NELL1: variants seen among roughly 807,000 people sequenced by gnomAD.
NELL1 encodes protein kinase C-binding protein NELL1.
NELL1 carries 76 observed loss-of-function variants against 107.4 expected under a neutral mutation model. That is an observed-to-expected ratio of 0.71 (90% CI 0.59 to 0.86). The LOEUF (loss-of-function observed/expected upper bound fraction) is 0.86. Ranked by LOEUF, NELL1 falls within the 40% of genes least tolerant of loss-of-function variation. The pLI, the probability that NELL1 is intolerant of heterozygous loss-of-function variation, is 0.00. For synonymous variants in NELL1, 353 were observed against 341.2 expected (o/e 1.03, Z -0.38); for missense variants, 1,024 against 1,005.5 (o/e 1.02, Z -0.25).
chr11:21,041,204 C>G (rs1388650797), intron 12 of NELL1, among the ~76,000 whole-genome samples: 1 of 152,184 alleles, frequency 6.6e-6, no homozygotes, highest in Admixed American at 6.6e-5. Flanking sequence ...TATCATGTAT[C>G]ACTGCATGAC....
At chr11:21,450,740 T>C (rs1853556321) in intron 15 of NELL1, among the ~76,000 whole-genome samples, 1 of 152,174 alleles carries the variant, frequency 6.6e-6, no homozygotes, top group Non-Finnish European at 1.5e-5. Flanking sequence ...GCATACAGTA[T>C]GACTCACTTC....
At chr11:21,248,456 A>G (rs1432727702) in intron 14 of NELL1, among the ~76,000 whole-genome samples, 1 of 152,188 alleles carries the variant, frequency 6.6e-6, no homozygotes, top group Non-Finnish European at 1.5e-5. Flanking sequence ...ATAGGGATGG[A>G]CTGCATTTTG....
At chr11:21,548,581 G>A (rs1048752419) in intron 16 of NELL1, among the ~76,000 whole-genome samples, 6 of 151,844 alleles carry the variant, frequency 4.0e-5, no homozygotes, top group Non-Finnish European at 8.8e-5. Flanking sequence ...CAGTCTGGGG[G>A]AAACCATCTC....
intron 13 of NELL1, among the ~76,000 whole-genome samples, chr11:21,218,642 T>C (rs1350722561): frequency 2.0e-5 from 3 of 152,206 alleles, no homozygotes; most frequent in African/African-American, 7.2e-5. Flanking sequence ...TATCCTCCTC[T>C]ATCTACTATC....
chr11:20,974,788 G>T (rs1370974342), intron 12 of NELL1, among the ~76,000 whole-genome samples: 1 of 151,828 alleles, frequency 6.6e-6, no homozygotes. Context: ...ATTGGTCTGG[G>T]GTATAGACAG....
At chr11:21,328,287 A>G (rs551230018) in intron 14 of NELL1, among the ~76,000 whole-genome samples, 3 of 151,058 alleles carry the variant, frequency 2.0e-5, no homozygotes, top group Non-Finnish European at 4.4e-5. Context: ...AAAGGGGCCG[A>G]TGTACAGTTC....
chr11:21,199,314 T>G (rs1857216747), intron 13 of NELL1, among the ~76,000 whole-genome samples: 1 of 152,128 alleles, frequency 6.6e-6, no homozygotes, highest in Non-Finnish European at 1.5e-5. Flanking sequence ...CAACAACTTT[T>G]GGGTAGTCAA....
intron 13 of NELL1, among the ~76,000 whole-genome samples, chr11:21,181,583 A>T (rs1053404894): frequency 6.6e-6 from 1 of 151,912 alleles, no homozygotes; most frequent in Non-Finnish European, 1.5e-5. Flanking sequence ...TGATTTAAGG[A>T]AACAGCTGGG....
intron 9 of NELL1, among the ~76,000 whole-genome samples, chr11:20,936,477 A>C (rs186393436): frequency 1.5e-4 from 23 of 152,194 alleles, no homozygotes; most frequent in Admixed American, 1.4e-3. Flanking sequence ...CTAGATGACT[A>C]CTGTTTGTTT....
At chr11:21,061,472 A>C (rs1227021355) in intron 12 of NELL1, among the ~76,000 whole-genome samples, 1 of 152,180 alleles carries the variant, frequency 6.6e-6, no homozygotes, top group Non-Finnish European at 1.5e-5. Flanking sequence ...GTAAAGTTTT[A>C]GTTAGGAAGT....
intron 14 of NELL1, among the ~76,000 whole-genome samples, chr11:21,265,439 C>T (rs969584124): frequency 2.0e-5 from 3 of 152,014 alleles, no homozygotes; most frequent in Admixed American, 6.6e-5. Context: ...AAATCTGGCT[C>T]TCCACAGTTT....
chr11:20,669,573 A>T (rs1033293134), upstream of NELL1: 19 of 472,622 alleles, frequency 4.0e-5, no homozygotes, highest in Non-Finnish European at 6.4e-5. The surrounding 1 kb of genome is among the most constrained non-coding windows in gnomAD (Gnocchi z 4.4). Flanking sequence ...CCGGGCGCAT[A>T]TGCGAGCGCA....
chr11:21,097,617 A>G (rs564962444), intron 12 of NELL1, among the ~76,000 whole-genome samples: 29 of 152,246 alleles, frequency 1.9e-4, no homozygotes, highest in South Asian at 6.2e-4. Context: ...GAGGGAACAG[A>G]TGTGAGTTAT....
At chr11:21,449,299 AC>A (rs1269390210) in intron 15 of NELL1, among the ~76,000 whole-genome samples, 2 of 152,142 alleles carry the variant, frequency 1.3e-5, no homozygotes, top group Non-Finnish European at 2.9e-5. Flanking sequence ...TGAAATCTAC[AC>A]TTTTCTAATG....
chr11:21,328,253 A>T (rs1456561965), intron 14 of NELL1, among the ~76,000 whole-genome samples: 2 of 151,894 alleles, frequency 1.3e-5, no homozygotes, highest in African/African-American at 4.8e-5. Context: ...TATGTCCTAG[A>T]TGTTTCAGTT....
intron 13 of NELL1, among the ~76,000 whole-genome samples, chr11:21,196,008 T>C (rs1857144499): frequency 6.6e-6 from 1 of 152,214 alleles, no homozygotes; most frequent in African/African-American, 2.4e-5. Context: ...ATACTTGACA[T>C]TTCTTTAGGG....
chr11:21,087,226 A>G (rs1854416425), intron 12 of NELL1, among the ~76,000 whole-genome samples: 1 of 152,162 alleles, frequency 6.6e-6, no homozygotes, highest in Non-Finnish European at 1.5e-5. Context: ...CATTGTCAAG[A>G]GCAAAACAAG....
intron 5 of NELL1, among the ~76,000 whole-genome samples, chr11:20,916,431 G>A (rs1437214144): frequency 2.0e-5 from 3 of 151,920 alleles, no homozygotes; most frequent in Non-Finnish European, 2.9e-5. Flanking sequence ...TAGGATTAGC[G>A]GGATGGGGTA....
At chr11:20,917,478 A>G (rs1324983658) in intron 5 of NELL1, among the ~76,000 whole-genome samples, 1 of 151,986 alleles carries the variant, frequency 6.6e-6, no homozygotes, top group Non-Finnish European at 1.5e-5. Flanking sequence ...ATTCTGAACC[A>G]GCTTCTACAT....
Sources: gnomAD v4.1 joint callset for allele counts (sites outside exome capture counted in the v4.1 genomes callset) on GRCh38, gnomAD v4.1.1 for gene constraint, Gnocchi (gnomAD v3.1) non-coding constraint, MANE v1.5 for transcripts, NCBI Gene and HGNC (gene_info 2026-07-23, HGNC 2026-07-21) for gene names.